Variants in CREBBP observed in about 807,000 individuals in gnomAD.
CREBBP encodes CREB binding lysine acetyltransferase.
Under a neutral mutation model 265.0 loss-of-function variants are expected in CREBBP, and 19 were observed. That is an observed-to-expected ratio of 0.07 (90% confidence interval 0.05 to 0.11). The LOEUF (loss-of-function observed/expected upper bound fraction) is 0.11, where lower values mean the gene tolerates loss of function less well. CREBBP is among the 10% of genes least tolerant of loss of function. The pLI is 1.00. For missense variants in CREBBP, 2,525 were observed against 3,219.0 expected (o/e 0.78, Z 5.22); for synonymous variants, 1,457 against 1,223.7 (o/e 1.19, Z -3.98).
At chr16:3,781,336 A>C (rs1171855206) in intron 6 of CREBBP, 30 bp from the exon 7 acceptor site, 2 of 1,574,276 alleles carry the variant, frequency 1.3e-6, no homozygotes, top group Admixed American at 3.4e-5. Flanking sequence ...ATCAATCAAC[A>C]GTTAAATTTT....
intron 30 of CREBBP, chr16:3,730,424 A>C (rs144512126): frequency 1.3e-4 from 22 of 163,072 alleles, no homozygotes; most frequent in Admixed American, 1.2e-3. Context: ...GCAGTGCACC[A>C]GTGGGACTTC....
chr16:3,874,202 AC>A (rs2055354714), intron 1 of CREBBP, among the ~76,000 whole-genome samples: 1 of 152,188 alleles, frequency 6.6e-6, no homozygotes, highest in Admixed American at 6.5e-5. Flanking sequence ...TATAACTGTT[AC>A]AGAGGAACAA....
intron 2 of CREBBP, among the ~76,000 whole-genome samples, chr16:3,816,757 T>C (rs1246771612): frequency 6.6e-6 from 1 of 152,198 alleles, no homozygotes; most frequent in Non-Finnish European, 1.5e-5. Flanking sequence ...GTCACAAAAC[T>C]AGGATAAAAC....
chr16:3,827,016 G>C (rs966064992), intron 2 of CREBBP, among the ~76,000 whole-genome samples: 25 of 152,254 alleles, frequency 1.6e-4, no homozygotes, highest in African/African-American at 5.5e-4. Context: ...AGTCTACTCA[G>C]TCAGTTGCAC....
chr16:3,777,208 G>A (rs1172584350), intron 11 of CREBBP, among the ~76,000 whole-genome samples: 2 of 151,162 alleles, frequency 1.3e-5, no homozygotes, highest in African/African-American at 2.4e-5. Context: ...GGTGGTGGGC[G>A]CCTGTAGTCC....
At chr16:3,849,432 T>TGTGTGTGTGTGTGTGTGTG (rs2054754588) in intron 2 of CREBBP, among the ~76,000 whole-genome samples, 2 of 9,088 alleles carry the variant, frequency 2.2e-4, no homozygotes, top group Non-Finnish European at 1.1e-3. Flanking sequence ...TGTGTGTGTG[T>TGTGTGTGTGTGTGTGTGTG]GTGTGTGTGT....
chr16:3,767,443 T>C lies in CREBBP; in HGVS notation c.3250+277A>G, dbSNP rs2141179654. ...CTCAAGGACCCAGACACATTTCAACTCGGCCCCTGCCAGCACCATCAGAAG... is the reference window on the plus strand; with the variant it reads ...CTCAAGGACCCAGACACATTTCAACCCGGCCCCTGCCAGCACCATCAGAAG... On this transcript the variant is annotated intron_variant, in intron 16 of 30. Coordinates refer to ENST00000262367, the MANE Select transcript of CREBBP (RefSeq NM_004380.3). 4 of 554,614 alleles carry C rather than the reference T, an allele frequency of 7.2e-6. 1 individual carries two copies. The highest frequency in any genetic ancestry group is 6.5e-5 in the South Asian group (3 of 46,392). 34.4% of individuals were successfully genotyped at this position (554,614 alleles called of 1,614,324 possible).
chr16:3,853,965 C>A (rs559131874), intron 1 of CREBBP, among the ~76,000 whole-genome samples: 24 of 151,294 alleles, frequency 1.6e-4, no homozygotes, highest in East Asian at 7.7e-4. Flanking sequence ...CAAACAAACA[C>A]ACACACACAC....
At chr16:3,795,228 A>C (rs2053584108) in intron 3 of CREBBP, among the ~76,000 whole-genome samples, 1 of 151,032 alleles carries the variant, frequency 6.6e-6, no homozygotes, top group African/African-American at 2.5e-5. Context: ...CCTAAGAGAA[A>C]ATAGCCTCTT....
At chr16:3,851,870 A>G (rs1165521170) in intron 1 of CREBBP, among the ~76,000 whole-genome samples, 2 of 129,036 alleles carry the variant, frequency 1.5e-5, no homozygotes, top group East Asian at 2.4e-4. Flanking sequence ...CAAAAAAAAA[A>G]AAAAAAAAAG....
intron 2 of CREBBP, among the ~76,000 whole-genome samples, chr16:3,849,438 T>TGTGTGTGTGTGTGTGTGTGTGTG (rs2054760507): frequency 1.6e-4 from 2 of 12,794 alleles, no homozygotes; most frequent in Non-Finnish European, 5.0e-4. Context: ...TGTGTGTGTG[T>TGTGTGTGTGTGTGTGTGTGTGTG]GTGTGTGTGT....
chr16:3,806,866 G>A lies in CREBBP; in HGVS notation c.975+3737C>T, dbSNP rs1361419208. Among the ~76,000 whole-genome samples the A allele has an allele frequency of 1.3e-5, 2 of 151,714 alleles. 1 individual carries two copies. Among genetic ancestry groups the A allele is most frequent in the South Asian group, 4.2e-4 (2 of 4,786 alleles). ...TTTCTGGACTTCTACCAGTTCCTACGCAAGCCAGTGCTGTCCCAATACCCT... is the reference window on the plus strand; with the variant it reads ...TTTCTGGACTTCTACCAGTTCCTACACAAGCCAGTGCTGTCCCAATACCCT... On this transcript the variant is annotated intron_variant, in intron 3 of 30. Transcript: ENST00000262367.
At chr16:3,848,094 C>A (rs1171915367) in intron 2 of CREBBP, among the ~76,000 whole-genome samples, 5 of 151,716 alleles carry the variant, frequency 3.3e-5, no homozygotes, top group Non-Finnish European at 7.4e-5. Flanking sequence ...CACTTGAACC[C>A]AGGAGGCGGA....
intron 21 of CREBBP, among the ~76,000 whole-genome samples, chr16:3,747,925 T>C (rs1385495114): frequency 6.6e-6 from 1 of 151,966 alleles, no homozygotes. Context: ...CCGTCTCTAC[T>C]AAAAATACAA....
intron 2 of CREBBP, among the ~76,000 whole-genome samples, chr16:3,836,757 C>G (rs2054460123): frequency 6.6e-6 from 1 of 152,102 alleles, no homozygotes; most frequent in Admixed American, 6.5e-5. Flanking sequence ...GTTTTTCGTA[C>G]AAGAACAGTC....
Position 3,837,374 on chromosome 16 carries a change from G to A in CREBBP, c.798+12923C>T, listed in dbSNP as rs150512079. 1.3e-3 allele frequency among the ~76,000 whole-genome samples: 202 copies of A among 152,270 alleles called. 1 individual carries two copies. Among genetic ancestry groups the A allele is most frequent in the South Asian group, 8.5e-3 (41 of 4,822 alleles). The stretch of plus-strand genomic sequence containing the variant: ...CTCACACCTGTAATCCCAGCACTTC[G>A]GGAGGCCGAGGCGGGCAGACTGCCT... On this transcript the variant is annotated intron_variant, in intron 2 of 30. Coordinates refer to ENST00000262367, the MANE Select transcript of CREBBP (RefSeq NM_004380.3).
intron 5 of CREBBP, among the ~76,000 whole-genome samples, chr16:3,787,706 C>G (rs1009436736): frequency 6.6e-6 from 1 of 152,032 alleles, no homozygotes; most frequent in Non-Finnish European, 1.5e-5. Context: ...GTCGCCCAGG[C>G]TGGAGTGCAG....
rs1224096861 is a variant in CREBBP, at chr16:3,739,639, C to G, written c.4219G>C (p.Val1407Leu). The change falls in exon 25 of 31, where the codon GTC becomes CTC. Residue 1407 changes from valine (V) to leucine (L), a missense_variant. Physicochemically the swap from Val to Leu is conservative, Grantham distance 32. Transcript: ENST00000262367. The stretch of plus-strand genomic sequence containing the variant: ...TGGACGTGCATTCCAAAAAAGCAGA[C>G]ATCCACGCCGTCAATTTCCTCAAAA... ...FAFEEIDGVD[V>L]CFFGMHVQEY... 2 of 1,614,224 alleles carry G rather than the reference C, an allele frequency of 1.2e-6. No individual in the cohort carries two copies. The highest frequency in any genetic ancestry group is 1.7e-6 in the Non-Finnish European group (2 of 1,180,044).
intron 28 of CREBBP, among the ~76,000 whole-genome samples, chr16:3,732,162 G>A (rs768945835): frequency 1.1e-4 from 16 of 152,190 alleles, no homozygotes; most frequent in Non-Finnish European, 8.8e-5. Flanking sequence ...TTTATGCCAC[G>A]CTGCCTCTAA....
Sources: allele counts gnomAD v4.1 joint callset (sites outside exome capture counted in the v4.1 genomes callset), GRCh38; gene constraint gnomAD v4.1.1; transcripts MANE v1.5; gene names NCBI Gene and HGNC (gene_info 2026-07-23, HGNC 2026-07-21).